CFAP299: variants seen among roughly 807,000 people sequenced by gnomAD.
The protein encoded by CFAP299 is cilia- and flagella-associated protein 299.
In CFAP299, 21 loss-of-function variants were observed where a neutral mutation model predicts 27.0. That is an observed-to-expected ratio of 0.78 (90% CI 0.55 to 1.12). The LOEUF is 1.12. CFAP299 is among the 50% of genes most tolerant of loss of function. The pLI is 0.00. For synonymous variants in CFAP299, 104 were observed against 98.1 expected, an observed-to-expected ratio of 1.06 and a Z score of -0.36; for missense variants, 310 against 276.6, an observed-to-expected ratio of 1.12 and a Z score of -0.86.
At chr4:80,752,431 T>G (rs12511203) in intron 3 of CFAP299, among the ~76,000 whole-genome samples, 21 of 145,546 alleles carry the variant, frequency 1.4e-4, no homozygotes, top group Middle Eastern at 3.3e-3. Context: ...TATATATAAA[T>G]AAATATATAT....
intron 2 of CFAP299, among the ~76,000 whole-genome samples, chr4:80,432,326 AT>A (rs538634837): frequency 6.7e-6 from 1 of 150,198 alleles, no homozygotes; most frequent in Admixed American, 6.6e-5. Context: ...TAATTTTTGT[AT>A]TTTTTAGTAG....
intron 3 of CFAP299, among the ~76,000 whole-genome samples, chr4:80,741,372 C>G (rs1342288372): frequency 2.0e-5 from 3 of 152,112 alleles, no homozygotes; most frequent in Non-Finnish European, 4.4e-5. Context: ...CCTCAGCCTC[C>G]CAGACAAGGG....
chr4:80,685,129 T>C (rs1720100333), intron 3 of CFAP299, among the ~76,000 whole-genome samples: 1 of 152,234 alleles, frequency 6.6e-6, no homozygotes, highest in African/African-American at 2.4e-5. Context: ...TATGCAATGC[T>C]ATCATCCTTT....
chr4:80,854,721 A>AT (rs1731726100), intron 3 of CFAP299, among the ~76,000 whole-genome samples: 1 of 151,314 alleles, frequency 6.6e-6, no homozygotes, highest in East Asian at 2.0e-4. Context: ...ATGTAAAAAA[A>AT]ATTGGGAGCG....
chr4:80,585,275 A>G (rs1229101549), intron 3 of CFAP299, among the ~76,000 whole-genome samples: 1 of 152,116 alleles, frequency 6.6e-6, no homozygotes, highest in Non-Finnish European at 1.5e-5. Context: ...GATCAGAAGT[A>G]GGGCACAGAG....
intron 2 of CFAP299, among the ~76,000 whole-genome samples, chr4:80,573,600 T>C (rs1408729971): frequency 1.3e-5 from 2 of 152,146 alleles, no homozygotes; most frequent in Non-Finnish European, 2.9e-5. Context: ...TTTGAGGTCT[T>C]AGATTTAAGT....
At chr4:80,705,998 TCTA>T (rs1721797216) in intron 3 of CFAP299, among the ~76,000 whole-genome samples, 1 of 151,844 alleles carries the variant, frequency 6.6e-6, no homozygotes, top group Admixed American at 6.6e-5. Flanking sequence ...AAAAATTTCT[TCTA>T]CTGCTGCAAT....
At chr4:80,786,839 CA>C (rs1312312274) in intron 3 of CFAP299, among the ~76,000 whole-genome samples, 2 of 151,994 alleles carry the variant, frequency 1.3e-5, no homozygotes, top group African/African-American at 2.4e-5. Context: ...ATATTGCTAC[CA>C]ATGCTTAAAT....
chr4:80,389,042 T>A (rs952247887), intron 2 of CFAP299, among the ~76,000 whole-genome samples: 15 of 152,190 alleles, frequency 9.9e-5, no homozygotes, highest in African/African-American at 3.1e-4. Flanking sequence ...TATATGCTCT[T>A]TAATAAGTCA....
intron 3 of CFAP299, among the ~76,000 whole-genome samples, chr4:80,801,407 A>G (rs1728592030): frequency 1.3e-5 from 2 of 152,026 alleles, no homozygotes; most frequent in South Asian, 4.1e-4. Flanking sequence ...ATCTTACTCT[A>G]AAAATTTTAG....
intron 2 of CFAP299, among the ~76,000 whole-genome samples, chr4:80,398,729 T>TA (rs1460468771): frequency 1.1e-4 from 17 of 152,148 alleles, no homozygotes; most frequent in Non-Finnish European, 1.5e-5. Context: ...CATAAAACCA[T>TA]AAAAACCCTA....
At chr4:80,386,231 C>T (rs1724980949) in intron 2 of CFAP299, 9 of 1,047,394 alleles carry the variant, frequency 8.6e-6, no homozygotes, top group East Asian at 2.4e-5. Context: ...CATGGGCCCT[C>T]GGCCCCGGCC....
chr4:80,442,757 T>G (rs1221111958), intron 2 of CFAP299, among the ~76,000 whole-genome samples: 2 of 152,134 alleles, frequency 1.3e-5, no homozygotes, highest in Non-Finnish European at 2.9e-5. Context: ...GGAGCTGGTT[T>G]TTTGAAAAGA....
chr4:80,908,419 T>C (rs1301096349), intron 4 of CFAP299, among the ~76,000 whole-genome samples: 3 of 152,210 alleles, frequency 2.0e-5, no homozygotes, highest in African/African-American at 7.2e-5. Context: ...TTCCCCATTC[T>C]TTAACAGTTT....
chr4:80,448,875 G>T (rs1434523240), intron 2 of CFAP299, among the ~76,000 whole-genome samples: 1 of 152,148 alleles, frequency 6.6e-6, no homozygotes, highest in African/African-American at 2.4e-5. Flanking sequence ...AAATGAAAGT[G>T]CTTGGTGCTG....
chr4:80,800,630 A>G (rs1203730902), intron 3 of CFAP299, among the ~76,000 whole-genome samples: 3 of 103,402 alleles, frequency 2.9e-5, no homozygotes, highest in Non-Finnish European at 5.2e-5. Flanking sequence ...ATATATTAAT[A>G]TAAATATATA....
chr4:80,507,085 C>A (rs1286769786), intron 2 of CFAP299, among the ~76,000 whole-genome samples: 1 of 152,094 alleles, frequency 6.6e-6, no homozygotes, highest in African/African-American at 2.4e-5. Flanking sequence ...TCAAGTTGTT[C>A]TATTATTTAC....
chr4:80,709,329 C>CA (rs901269428), intron 3 of CFAP299, among the ~76,000 whole-genome samples: 31 of 151,738 alleles, frequency 2.0e-4, no homozygotes, highest in Non-Finnish European at 4.6e-4. Context: ...AGTATAAAGA[C>CA]AAAAAAAATT....
chr4:80,578,640 A>G (rs80058199), intron 2 of CFAP299, among the ~76,000 whole-genome samples: 1,638 of 152,272 alleles, frequency 0.011, 27 homozygotes, highest in African/African-American at 0.038. Context: ...CTGGTTAATG[A>G]TACAGTATGA....
Sources: gnomAD v4.1 joint callset for allele counts (sites outside exome capture counted in the v4.1 genomes callset) on GRCh38, gnomAD v4.1.1 for gene constraint, MANE v1.5 for transcripts, NCBI Gene and HGNC (gene_info 2026-07-23, HGNC 2026-07-21) for gene names.